The following TRPM3 variants were observed in gnomAD, a reference collection of about 807,000 sequenced individuals.
TRPM3 encodes long transient receptor potential channel 3.
In TRPM3, 77 loss-of-function variants were observed where a neutral mutation model predicts 181.2. The observed-to-expected ratio is 0.42, with a 90% CI of 0.35 to 0.51. TRPM3 has a LOEUF of 0.51. TRPM3 is among the 20% of genes least tolerant of loss of function. TRPM3 has a pLI of 0.01. For missense variants in TRPM3, 1,759 were observed against 2,196.7 expected (o/e 0.80, Z 3.98); for synonymous variants, 745 against 796.4 (o/e 0.94, Z 1.09).
At chr9:71,331,903 A>G (rs1019024185) in intron 1 of TRPM3, among the ~76,000 whole-genome samples, 2 of 6,636 alleles carry the variant, frequency 3.0e-4, no homozygotes, top group African/African-American at 9.5e-4. Flanking sequence ...GAGGAAGAAG[A>G]GGAGGAAGAA....
At chr9:71,064,620 G>T (rs1477621156) in intron 1 of TRPM3, among the ~76,000 whole-genome samples, 1 of 152,000 alleles carries the variant, frequency 6.6e-6, no homozygotes, top group Middle Eastern at 3.2e-3. Flanking sequence ...CTAAAGACAT[G>T]AATGCATGAA....
At chr9:70,866,667 C>T (rs2095656239) in intron 1 of TRPM3, among the ~76,000 whole-genome samples, 1 of 151,938 alleles carries the variant, frequency 6.6e-6, no homozygotes, top group African/African-American at 2.4e-5. Context: ...GATAGGAACC[C>T]ACAAGCCCTG....
At position 71,121,391 on chromosome 9, in the gene TRPM3, G is replaced by T. The variant is rs1201329015; in HGVS notation, c.-37C>A. On this transcript the variant is annotated 5_prime_UTR_variant, in exon 1 of 26. Transcript: ENST00000677713. Reference sequence around the variant, plus strand: ...CTCCACACCTGCAAATTCCATTAGGGCAGAGGCTTCCTGGAACTTGGAAGA... The same window carrying T: ...CTCCACACCTGCAAATTCCATTAGGTCAGAGGCTTCCTGGAACTTGGAAGA... The T allele has an allele frequency of 9.4e-6, 15 of 1,601,764 alleles. No individual in the cohort carries two copies. Among genetic ancestry groups the T allele is most frequent in the Non-Finnish European group, 1.2e-5 (14 of 1,174,466 alleles).
chr9:71,130,874 A>C (rs2134455231), intron 1 of TRPM3, among the ~76,000 whole-genome samples: 1 of 152,340 alleles, frequency 6.6e-6, no homozygotes, highest in East Asian at 1.9e-4. Context: ...TGTTTTAGTA[A>C]AGAATAGGTA....
rs1292761467 is a variant in TRPM3 at position 70,701,008 on chromosome 9, AT to A, written c.1273-19431del. ...TTTACCACTTCAGTCAGATGCTGGC[AT>A]TTTTTTTCACATCTCCCCATTATAA... On this transcript the variant is annotated intron_variant, in intron 8 of 25. Transcript: ENST00000677713. Among the ~76,000 whole-genome samples, 4 of 152,016 alleles carry A rather than the reference AT, an allele frequency of 2.6e-5. No homozygotes were observed. In the South Asian group the frequency reaches 6.2e-4, roughly 24 times the overall value.
intron 1 of TRPM3, among the ~76,000 whole-genome samples, chr9:70,880,546 GT>G (rs2095970771): frequency 1.3e-5 from 2 of 152,036 alleles, no homozygotes; most frequent in Non-Finnish European, 2.9e-5. Flanking sequence ...TCCTAAACAG[GT>G]GGATTTTAGT....
rs187388728 is a variant in TRPM3, at chr9:70,978,687, C to T, written c.178-114176G>A. Among the ~76,000 whole-genome samples the T allele has an allele frequency of 3.5e-4, 53 of 152,254 alleles. No homozygotes were observed. In the East Asian group the frequency reaches 4.1e-3, roughly 12 times the overall value. ...ATTTCGCTTGGTGTTAATGTGCCGT[C>T]GGCATAATTTAAATTGTTTCATAAA... is the stretch of plus-strand genomic sequence containing the variant. On this transcript the variant is annotated intron_variant, in intron 1 of 25. Transcript: ENST00000677713.
chr9:71,052,653 A>T (rs2060188778), intron 1 of TRPM3, among the ~76,000 whole-genome samples: 1 of 152,136 alleles, frequency 6.6e-6, no homozygotes, highest in Non-Finnish European at 1.5e-5. Flanking sequence ...CGTCCATTCA[A>T]ACAAACCAGA....
chr9:70,570,721 G>A (rs1434083943), intron 22 of TRPM3, among the ~76,000 whole-genome samples: 1 of 152,156 alleles, frequency 6.6e-6, no homozygotes. Flanking sequence ...GGGTTATTAT[G>A]ACACGACCTG....
intron 1 of TRPM3, among the ~76,000 whole-genome samples, chr9:70,881,867 A>G (rs2096000261): frequency 6.6e-6 from 1 of 152,182 alleles, no homozygotes; most frequent in Non-Finnish European, 1.5e-5. Context: ...CCTTGGTCAC[A>G]TTTTAACTAC....
chr9:71,199,100 C>T (rs1269415346), intron 1 of TRPM3, among the ~76,000 whole-genome samples: 2 of 151,290 alleles, frequency 1.3e-5, no homozygotes, highest in Admixed American at 1.3e-4. Context: ...TGAATTTTGT[C>T]AAAGGTCTTT....
chr9:70,789,457 G>C (rs138643306), intron 6 of TRPM3, among the ~76,000 whole-genome samples: 1 of 152,208 alleles, frequency 6.6e-6, no homozygotes, highest in African/African-American at 2.4e-5. Flanking sequence ...ACAGTCTGTA[G>C]GAAAAAAAAT....
chr9:71,162,219 AAG>A (rs1491068669), intron 1 of TRPM3, among the ~76,000 whole-genome samples: 87 of 143,016 alleles, frequency 6.1e-4, no homozygotes, highest in East Asian at 3.6e-3. Flanking sequence ...AAAAAAAAAA[AAG>A]AAGAAAAAGA....
At chr9:71,268,895 T>TCCCCC (rs1243854418) in intron 1 of TRPM3, among the ~76,000 whole-genome samples, 3 of 151,990 alleles carry the variant, frequency 2.0e-5, no homozygotes, top group African/African-American at 7.2e-5. Flanking sequence ...AAAGTGATAT[T>TCCCCC]TGCACTAAAC....
chr9:71,024,162 T>A (rs1438901025), intron 1 of TRPM3, among the ~76,000 whole-genome samples: 4 of 152,198 alleles, frequency 2.6e-5, no homozygotes, highest in African/African-American at 9.7e-5. Flanking sequence ...AAATGTAGAA[T>A]TAGCTCAAAA....
chr9:71,055,171 G>A (rs1173413815), intron 1 of TRPM3, among the ~76,000 whole-genome samples: 1 of 152,030 alleles, frequency 6.6e-6, no homozygotes, highest in Non-Finnish European at 1.5e-5. Flanking sequence ...TTCAAGAGGT[G>A]GTTCGGACAG....
At chr9:70,691,912 G>C (rs952056310) in intron 8 of TRPM3, among the ~76,000 whole-genome samples, 2 of 152,102 alleles carry the variant, frequency 1.3e-5, no homozygotes, top group African/African-American at 2.4e-5. Context: ...CCTGTTTCTG[G>C]TTGGGCCAGT....
chr9:70,873,039 T>G (rs929223283), intron 1 of TRPM3, among the ~76,000 whole-genome samples: 3 of 152,014 alleles, frequency 2.0e-5, no homozygotes, highest in East Asian at 1.9e-4. Context: ...GAAGATATAT[T>G]TTTTTCCTTT....
At chr9:70,803,506 T>A (rs1456283768) in intron 6 of TRPM3, among the ~76,000 whole-genome samples, 1 of 143,162 alleles carries the variant, frequency 7.0e-6, no homozygotes, top group East Asian at 2.0e-4. Flanking sequence ...TGGAGTGCAG[T>A]GGTGCGATCT....
Sources: gnomAD v4.1 joint callset for allele counts (sites outside exome capture counted in the v4.1 genomes callset) on GRCh38, gnomAD v4.1.1 for gene constraint, MANE v1.5 for transcripts, NCBI Gene and HGNC (gene_info 2026-07-23, HGNC 2026-07-21) for gene names.